HMCN1: variants seen among roughly 807,000 people sequenced by gnomAD.
HMCN1 encodes the protein hemicentin-1.
A neutral mutation model predicts 625.9 loss-of-function variants in HMCN1; 321 were observed. The observed-to-expected ratio is 0.51, with a 90% CI of 0.47 to 0.56. HMCN1 has a LOEUF of 0.56. Among genes scored for constraint, HMCN1 ranks in the 20% least tolerant of loss-of-function variants. HMCN1 has a pLI of 0.00. For synonymous variants in HMCN1, 2,425 were observed against 2,417.6 expected, an observed-to-expected ratio of 1.00 and a Z score of -0.09; for missense variants, 6,588 against 6,887.3, an observed-to-expected ratio of 0.96 and a Z score of 1.54.
intron 24 of HMCN1, among the ~76,000 whole-genome samples, chr1:185,996,141 T>C (rs1652771138): frequency 6.6e-6 from 1 of 152,132 alleles, no homozygotes; most frequent in African/African-American, 2.4e-5. Flanking sequence ...AATTAGACAT[T>C]GGTTATGCCC....
intron 64 of HMCN1, 54 bp downstream of exon 64, chr1:186,090,971 T>G: frequency 6.6e-7 from 1 of 1,516,594 alleles, no homozygotes; most frequent in Non-Finnish European, 9.1e-7. Context: ...CTACAATGCT[T>G]TATGCTTCAA....
Position 186,166,200 on chromosome 1 carries a change from A to T in HMCN1, c.15336A>T (p.Ala5112=). 1 of 1,614,160 alleles carries T rather than the reference A, an allele frequency of 6.2e-7. No homozygotes were observed. The highest frequency in any genetic ancestry group is 8.5e-7 in the Non-Finnish European group (1 of 1,180,020). Residue 5112 remains alanine, a synonymous_variant, in exon 99 of 107, where the codon GCA becomes GCT. Transcript: ENST00000271588. The part of the protein sequence containing the change: ...GPFCADEDEC[A]AGNPCSHSCH... ...TTCTTTAAGATGAGGATGAATGTGCAGCAGGGAATCCCTGCTCCCATAGCT... is the reference window on the plus strand; with the variant it reads ...TTCTTTAAGATGAGGATGAATGTGCTGCAGGGAATCCCTGCTCCCATAGCT...
chr1:186,060,638 C>T (rs145799399), intron 46 of HMCN1, among the ~76,000 whole-genome samples: 1 of 152,214 alleles, frequency 6.6e-6, no homozygotes, highest in East Asian at 1.9e-4. Context: ...AGCAGTGTAT[C>T]ACTAGTGCAT....
intron 95 of HMCN1, 43 bp from the exon 96 acceptor site, chr1:186,152,707 C>T: frequency 6.2e-7 from 1 of 1,612,188 alleles, no homozygotes; most frequent in African/African-American, 1.3e-5. Flanking sequence ...CTTACAGAAA[C>T]CATATTTTTT....
At chr1:185,867,808 C>T (rs778813427) in intron 4 of HMCN1, among the ~76,000 whole-genome samples, 45 of 152,216 alleles carry the variant, frequency 3.0e-4, no homozygotes, top group African/African-American at 3.4e-4. Context: ...CAGTGGCTCA[C>T]GCCTGTAATC....
intron 1 of HMCN1, among the ~76,000 whole-genome samples, chr1:185,765,376 A>G (rs921995524): frequency 2.6e-5 from 4 of 152,220 alleles, no homozygotes; most frequent in Admixed American, 2.0e-4. Context: ...GCCAAATTAG[A>G]CATATACAAA....
rs529461001 is a variant in HMCN1 at position 186,070,193 on chromosome 1, C to T, written c.7993+417C>T. Among the ~76,000 whole-genome samples, 143 of 152,322 alleles carry T rather than the reference C, an allele frequency of 9.4e-4. 1 individual carries two copies. Among genetic ancestry groups the T allele is most frequent in the African/African-American group, 3.4e-3 (141 of 41,578 alleles). On this transcript the variant is annotated intron_variant, in intron 51 of 106. Coordinates refer to ENST00000271588, the MANE Select transcript of HMCN1 (RefSeq NM_031935.3). The stretch of plus-strand genomic sequence containing the variant: ...ACCTATAAATAAAAAGCAAAGCTAA[C>T]ACTGCCATTAATGGGACTCATATTT...
In HMCN1 at chr1:186,078,657, T is replaced by A. The variant is rs1055546506; in HGVS notation, c.8599+437T>A. On this transcript the variant is annotated intron_variant, in intron 55 of 106. Coordinates refer to ENST00000271588, the MANE Select transcript of HMCN1 (RefSeq NM_031935.3). The stretch of plus-strand genomic sequence containing the variant: ...GCATCCTCCTAGTTCCACATTCAAA[T>A]GAAAGTTTTTTCTCCTAGTATTTAC... Among the ~76,000 whole-genome samples the A allele has an allele frequency of 5.9e-5, 9 of 152,194 alleles. 1 individual carries two copies. The highest frequency in any genetic ancestry group is 2.0e-4 in the Admixed American group (3 of 15,272).
At position 185,981,057 on chromosome 1, in the gene HMCN1, A is replaced by G; in HGVS notation, c.2646A>G (p.Val882=). 1 of 1,604,526 alleles carries G rather than the reference A, an allele frequency of 6.2e-7. No individual in the cohort carries two copies. Among genetic ancestry groups the G allele is most frequent in the Non-Finnish European group, 8.5e-7 (1 of 1,171,276 alleles). ...GAAAGATCCAGTCAGAGACAACAGT[A>G]ACAGTGACCGGACTTGGTAAGATCA... is the stretch of plus-strand genomic sequence containing the variant. ...QFGKIQSETT[V]TVTGLVAPLI... The change falls in exon 17 of 107, where the codon GTA becomes GTG. Residue 882 remains valine (V), a synonymous_variant. Coordinates refer to ENST00000271588, the MANE Select transcript of HMCN1 (RefSeq NM_031935.3).
At chr1:186,080,899 TG>T (rs1363136144) in intron 55 of HMCN1, among the ~76,000 whole-genome samples, 1 of 151,996 alleles carries the variant, frequency 6.6e-6, no homozygotes, top group East Asian at 1.9e-4. Flanking sequence ...GAAGGTATAG[TG>T]GGAGGGGCTG....
chr1:185,812,582 T>C (rs758468241), intron 1 of HMCN1, among the ~76,000 whole-genome samples: 2 of 152,164 alleles, frequency 1.3e-5, no homozygotes, highest in Non-Finnish European at 2.9e-5. Context: ...AAAGCCCACC[T>C]CTTATGAGGT....
intron 1 of HMCN1, among the ~76,000 whole-genome samples, chr1:185,800,099 G>T (rs1658691191): frequency 6.6e-6 from 1 of 152,196 alleles, no homozygotes. Context: ...GGAGAAAGAG[G>T]GGCGGCCCAG....
chr1:186,180,662 C>T (rs1485884946), intron 104 of HMCN1, among the ~76,000 whole-genome samples: 1 of 152,148 alleles, frequency 6.6e-6, no homozygotes, highest in African/African-American at 2.4e-5. Context: ...AATCGTCTTC[C>T]TCAGACAGTC....
intron 4 of HMCN1, among the ~76,000 whole-genome samples, chr1:185,908,231 G>GA (rs11335005): frequency 3.9e-4 from 55 of 142,776 alleles, no homozygotes; most frequent in South Asian, 1.3e-3. Flanking sequence ...GAAAGAAACA[G>GA]AAAAAAAAAA....
At chr1:185,985,950 C>T (rs750179067) in intron 19 of HMCN1, among the ~76,000 whole-genome samples, 1 of 152,182 alleles carries the variant, frequency 6.6e-6, no homozygotes, top group African/African-American at 2.4e-5. Context: ...CTCTTCCACA[C>T]CCAAATGTCA....
intron 1 of HMCN1, among the ~76,000 whole-genome samples, chr1:185,781,985 CT>C (rs1317425020): frequency 6.6e-6 from 1 of 152,162 alleles, no homozygotes. Flanking sequence ...GAGTCTAAGT[CT>C]CTTTGTAGGT....
In HMCN1 at chr1:186,154,098, T is replaced by C. The variant is rs1030344416; in HGVS notation, c.15256+111T>C. Reference sequence around the variant, plus strand: ...ATCTAACATGATATCAGGTTTTTCATGTGTGTTGTCTATGCCTTTTTGTTA... The same window carrying C: ...ATCTAACATGATATCAGGTTTTTCACGTGTGTTGTCTATGCCTTTTTGTTA... On this transcript the variant is annotated intron_variant, in intron 97 of 106. Coordinates refer to ENST00000271588, the MANE Select transcript of HMCN1 (RefSeq NM_031935.3). The C allele has an allele frequency of 6.7e-6, 6 of 889,062 alleles. No homozygotes were observed. In the African/African-American group the frequency reaches 1.0e-4, roughly 15 times the overall value. 55.1% of individuals were successfully genotyped at this position (889,062 alleles called of 1,614,324 possible). A position where few individuals can be genotyped will look rare whatever the true frequency, so the allele number is the denominator to read the frequency against.
In HMCN1 at chr1:185,963,830, T is replaced by C; in HGVS notation, c.2033T>C (p.Ile678Thr). The C allele has an allele frequency of 6.2e-7, 1 of 1,611,344 alleles. No homozygotes were observed. Among genetic ancestry groups the C allele is most frequent in the Non-Finnish European group, 8.5e-7 (1 of 1,177,766 alleles). Residue 678 changes from isoleucine (I) to threonine (T), a missense_variant, in exon 13 of 107, where the codon ATC becomes ACC. By Grantham distance (89) the Ile-to-Thr change is moderately conservative (BLOSUM62 -1). Coordinates refer to ENST00000271588, the MANE Select transcript of HMCN1 (RefSeq NM_031935.3). Reference protein sequence around the residue: ...IKNAAPKDAGIYGCLASNSAG... With the variant: ...IKNAAPKDAGTYGCLASNSAG... ...AATGCAGCTCCCAAAGATGCAGGGA[T>C]CTATGGTTGCCTAGCAAGTAATTCA... is the stretch of plus-strand genomic sequence containing the variant.
intron 1 of HMCN1, among the ~76,000 whole-genome samples, chr1:185,761,243 C>T (rs1655481418): frequency 6.6e-6 from 1 of 152,092 alleles, no homozygotes; most frequent in Non-Finnish European, 1.5e-5. Context: ...CAGTCAGACA[C>T]TCAAGTTGGG....
Sources: gnomAD v4.1 joint callset for allele counts (sites outside exome capture counted in the v4.1 genomes callset) on GRCh38, gnomAD v4.1.1 for gene constraint, MANE v1.5 for transcripts, NCBI Gene and HGNC (gene_info 2026-07-23, HGNC 2026-07-21) for gene names.